Variants in PPM1H observed in about 807,000 individuals in gnomAD.
The protein encoded by PPM1H is protein phosphatase 1H.
A neutral mutation model predicts 54.9 loss-of-function variants in PPM1H; 27 were observed. The observed-to-expected ratio is 0.49, with a 90% confidence interval of 0.36 to 0.68. The LOEUF is 0.68. PPM1H is among the 30% of genes least tolerant of loss of function. The pLI is 0.00. For synonymous variants in PPM1H, 305 were observed against 270.8 expected, an observed-to-expected ratio of 1.13 and a Z score of -1.24; for missense variants, 596 against 667.8, an observed-to-expected ratio of 0.89 and a Z score of 1.19.
intron 4 of PPM1H, among the ~76,000 whole-genome samples, chr12:62,786,409 G>A (rs529889420): frequency 6.6e-6 from 1 of 152,372 alleles, no homozygotes; most frequent in African/African-American, 2.4e-5. Context: ...CCTGGCCTGT[G>A]TCTGTGTCCT....
Position 62,646,337 on chromosome 12 carries a change from A to G in PPM1H, c.*2152T>C, listed in dbSNP as rs1453942855. On this transcript the variant is annotated 3_prime_UTR_variant, in exon 10 of 10. Transcript: ENST00000228705. ...CCAAATTCTTACTCTGGTGGCTTGAATAAAACTGGAGAAGCTCAAGGTAGG... is the reference window on the plus strand; with the variant it reads ...CCAAATTCTTACTCTGGTGGCTTGAGTAAAACTGGAGAAGCTCAAGGTAGG... The G allele has an allele frequency of 6.6e-6, 1 of 152,334 alleles. No individual in the cohort carries two copies. Among genetic ancestry groups the G allele is most frequent in the East Asian group, 1.9e-4 (1 of 5,178 alleles). 9.4% of individuals were successfully genotyped at this position (152,334 alleles called of 1,614,324 possible).
intron 5 of PPM1H, among the ~76,000 whole-genome samples, chr12:62,725,086 G>A (rs1226454620): frequency 6.6e-6 from 1 of 152,146 alleles, no homozygotes; most frequent in Non-Finnish European, 1.5e-5. Flanking sequence ...CAATCCTCTA[G>A]AGCCAGCTTA....
At chr12:62,808,730 A>G (rs2076819503) in intron 2 of PPM1H, among the ~76,000 whole-genome samples, 1 of 152,098 alleles carries the variant, frequency 6.6e-6, no homozygotes, top group South Asian at 2.1e-4. Context: ...TCCTTCCAGA[A>G]GCCCCTACTT....
chr12:62,816,808 T>C (rs1191350924), intron 2 of PPM1H, among the ~76,000 whole-genome samples: 2 of 151,584 alleles, frequency 1.3e-5, no homozygotes, highest in Non-Finnish European at 2.9e-5. Flanking sequence ...CTTAAAGCTG[T>C]GGGAAGTCAG....
At chr12:62,858,097 C>T (rs1162127122) in intron 1 of PPM1H, among the ~76,000 whole-genome samples, 1 of 151,866 alleles carries the variant, frequency 6.6e-6, no homozygotes, top group African/African-American at 2.4e-5. Context: ...CCCCACCACG[C>T]CCCCTACCAC....
chr12:62,928,746 T>C (rs1403448134), intron 1 of PPM1H, among the ~76,000 whole-genome samples: 1 of 152,244 alleles, frequency 6.6e-6, no homozygotes. Context: ...GTCTTTGGTC[T>C]GCTTTCAGCA....
intron 3 of PPM1H, among the ~76,000 whole-genome samples, chr12:62,795,811 C>T (rs2076730594): frequency 1.3e-5 from 2 of 151,990 alleles, no homozygotes; most frequent in Admixed American, 1.3e-4. Flanking sequence ...ACTGCGACCT[C>T]TGCCTCCGGA....
intron 2 of PPM1H, among the ~76,000 whole-genome samples, chr12:62,830,357 G>A (rs954126891): frequency 1.3e-5 from 2 of 152,078 alleles, no homozygotes; most frequent in African/African-American, 4.8e-5. Flanking sequence ...CTGGGTTCAC[G>A]CCATTCTTCT....
intron 4 of PPM1H, among the ~76,000 whole-genome samples, chr12:62,746,034 A>T (rs163680): frequency 0.044 from 6,712 of 152,088 alleles, 486 homozygotes; most frequent in African/African-American, 0.15. Context: ...CTCTACAAAA[A>T]AATAGAAAAA....
intron 4 of PPM1H, chr12:62,755,335 AT>A: frequency 8.7e-7 from 1 of 1,150,390 alleles, no homozygotes; most frequent in Non-Finnish European, 1.3e-6. Flanking sequence ...TGACCCCTTC[AT>A]TGACCTCAAC....
chr12:62,774,199 C>T lies in PPM1H; in HGVS notation c.869+14027G>A, dbSNP rs543344009. 6.6e-5 allele frequency among the ~76,000 whole-genome samples: 10 copies of T among 152,256 alleles called. No individual in the cohort carries two copies. The South Asian group carries it at 2.1e-3, about 32-fold the overall frequency. ...CCACTTGTTCTTTAAAGCAGGAAAC[C>T]GGCTCAGAGAGTGAAGTGGATTTCC... On this transcript the variant is annotated intron_variant, in intron 4 of 9. Coordinates refer to ENST00000228705, the MANE Select transcript of PPM1H (RefSeq NM_020700.2).
chr12:62,905,010 C>T (rs986984328), intron 1 of PPM1H, among the ~76,000 whole-genome samples: 1 of 152,148 alleles, frequency 6.6e-6, no homozygotes, highest in Non-Finnish European at 1.5e-5. Context: ...GAGCCAGTCC[C>T]TCTAGGTTAA....
chr12:62,661,287 G>A (rs1025057348), intron 9 of PPM1H, among the ~76,000 whole-genome samples: 1 of 152,224 alleles, frequency 6.6e-6, no homozygotes, highest in Non-Finnish European at 1.5e-5. Context: ...TGTTCTTCAC[G>A]AGTATCTAGC....
chr12:62,902,016 C>T (rs973193899), intron 1 of PPM1H, among the ~76,000 whole-genome samples: 4 of 152,138 alleles, frequency 2.6e-5, no homozygotes, highest in African/African-American at 9.7e-5. Flanking sequence ...TTAAAGGGTT[C>T]CTCTAAAACC....
chr12:62,891,859 G>A (rs1328825950), intron 1 of PPM1H, among the ~76,000 whole-genome samples: 2 of 152,134 alleles, frequency 1.3e-5, no homozygotes, highest in Non-Finnish European at 2.9e-5. Context: ...TTATATGGGG[G>A]CTCTGGGACA....
chr12:62,768,435 C>A (rs2076557527), intron 4 of PPM1H, among the ~76,000 whole-genome samples: 1 of 152,108 alleles, frequency 6.6e-6, no homozygotes, highest in Non-Finnish European at 1.5e-5. Flanking sequence ...GTGGGCGGAT[C>A]ATGAGGTCAG....
chr12:62,761,532 G>A (rs757495110), intron 4 of PPM1H, among the ~76,000 whole-genome samples: 13 of 152,122 alleles, frequency 8.5e-5, no homozygotes, highest in Non-Finnish European at 1.8e-4. Context: ...GAATTTTCCT[G>A]CTAAAATTGG....
At chr12:62,874,540 C>G (rs1258102885) in intron 1 of PPM1H, among the ~76,000 whole-genome samples, 1 of 151,828 alleles carries the variant, frequency 6.6e-6, no homozygotes, top group African/African-American at 2.4e-5. Context: ...TTACTTTGAG[C>G]CAAATAGAGA....
intron 3 of PPM1H, among the ~76,000 whole-genome samples, chr12:62,796,716 C>T (rs770794184): frequency 3.9e-5 from 6 of 152,202 alleles, no homozygotes; most frequent in Non-Finnish European, 8.8e-5. Context: ...GATCAACTCA[C>T]CCTTCAGCCC....
Sources: allele counts gnomAD v4.1 joint callset (sites outside exome capture counted in the v4.1 genomes callset), GRCh38; gene constraint gnomAD v4.1.1; transcripts MANE v1.5; gene names NCBI Gene and HGNC (gene_info 2026-07-23, HGNC 2026-07-21).